BMP2K: variants seen among roughly 807,000 people sequenced by gnomAD.
BMP2K encodes BMP2 inducible kinase.
In BMP2K, 74 loss-of-function variants were observed where a neutral mutation model predicts 116.0. The ratio of observed to expected loss-of-function variants is 0.64; its 90% CI spans 0.53 to 0.77. The LOEUF (loss-of-function observed/expected upper bound fraction) is 0.77, where lower values mean the gene tolerates loss of function less well. BMP2K is among the 30% of genes least tolerant of loss of function. The pLI is 0.00. For missense variants in BMP2K, 1,365 were observed against 1,403.6 expected, an observed-to-expected ratio of 0.97 and a Z score of 0.44; for synonymous variants, 486 against 502.5, an observed-to-expected ratio of 0.97 and a Z score of 0.44.
Position 78,915,247 on chromosome 4 carries a change from T to G in BMP2K, c.*3214T>G, listed in dbSNP as rs1734943909. ...TTAAGAGTGATAGACTGTTGTCCTC[T>G]TGCTGGTGGAAAATCTAAGGTGGAG... On this transcript the variant is annotated 3_prime_UTR_variant, in exon 16 of 16. Transcript: ENST00000502613. The G allele has an allele frequency of 6.6e-6, 1 of 152,016 alleles. No homozygotes were observed. The highest frequency in any genetic ancestry group is 6.6e-5 in the Admixed American group (1 of 15,232). 9.4% of individuals were successfully genotyped at this position (152,016 alleles called of 1,614,324 possible).
chr4:78,797,530 A>G (rs1296446532), intron 1 of BMP2K, among the ~76,000 whole-genome samples: 1 of 152,158 alleles, frequency 6.6e-6, no homozygotes, highest in Non-Finnish European at 1.5e-5. Flanking sequence ...ACTCTAGGTA[A>G]TTCGGTAGTA....
chr4:78,786,463 G>A (rs1002420657), intron 1 of BMP2K, among the ~76,000 whole-genome samples: 5 of 139,054 alleles, frequency 3.6e-5, no homozygotes, highest in African/African-American at 5.5e-5. Flanking sequence ...TTTGAGACAC[G>A]GTCTCTATTG....
Position 78,915,252 on chromosome 4 carries a change from G to A in BMP2K, c.*3219G>A, listed in dbSNP as rs1324129926. The A allele has an allele frequency of 6.6e-6, 1 of 151,992 alleles. No individual in the cohort carries two copies. Among genetic ancestry groups the A allele is most frequent in the Non-Finnish European group, 1.5e-5 (1 of 67,912 alleles). 9.4% of individuals were successfully genotyped at this position (151,992 alleles called of 1,614,324 possible). Reference sequence around the variant, plus strand: ...AGTGATAGACTGTTGTCCTCTTGCTGGTGGAAAATCTAAGGTGGAGCCCAC... The same window carrying A: ...AGTGATAGACTGTTGTCCTCTTGCTAGTGGAAAATCTAAGGTGGAGCCCAC... On this transcript the variant is annotated 3_prime_UTR_variant, in exon 16 of 16. Transcript: ENST00000502613.
intron 1 of BMP2K, among the ~76,000 whole-genome samples, chr4:78,787,300 T>C (rs141679181): frequency 4.0e-4 from 61 of 152,358 alleles, no homozygotes; most frequent in African/African-American, 1.4e-3. Flanking sequence ...ATAATGTAGT[T>C]CTAGCATTAA....
intron 15 of BMP2K, among the ~76,000 whole-genome samples, chr4:78,908,835 A>G (rs1000625713): frequency 6.6e-6 from 1 of 152,144 alleles, no homozygotes; most frequent in Non-Finnish European, 1.5e-5. Flanking sequence ...ACAGGTATAC[A>G]GTGCATAATA....
At chr4:78,908,392 T>G (rs1196113842) in intron 15 of BMP2K, among the ~76,000 whole-genome samples, 6 of 152,224 alleles carry the variant, frequency 3.9e-5, no homozygotes, top group Admixed American at 3.9e-4. Flanking sequence ...TCTGTGACAT[T>G]GCACTCAGCT....
intron 6 of BMP2K, among the ~76,000 whole-genome samples, chr4:78,849,920 C>T (rs1731169344): frequency 6.6e-6 from 1 of 151,536 alleles, no homozygotes; most frequent in South Asian, 2.1e-4. Flanking sequence ...AAAATAAGTG[C>T]ACTTGTTAGC....
chr4:78,853,694 C>G (rs866696571), intron 7 of BMP2K, among the ~76,000 whole-genome samples: 1 of 152,106 alleles, frequency 6.6e-6, no homozygotes, highest in African/African-American at 2.4e-5. Context: ...TGCTCTGTCC[C>G]TGTTTGGTAT....
At chr4:78,845,483 G>T (rs1730954509) in intron 5 of BMP2K, among the ~76,000 whole-genome samples, 1 of 151,612 alleles carries the variant, frequency 6.6e-6, no homozygotes, top group Non-Finnish European at 1.5e-5. Flanking sequence ...TGTAGAAAAT[G>T]AAAGTGTTAA....
intron 1 of BMP2K, among the ~76,000 whole-genome samples, chr4:78,801,344 C>CTG (rs112302359): frequency 0.08 from 11,516 of 143,170 alleles, 473 homozygotes; most frequent in Middle Eastern, 0.13. Context: ...GTTGAAGTAG[C>CTG]TGTGTGTGTG....
chr4:78,784,647 A>G (rs1015466587), intron 1 of BMP2K, among the ~76,000 whole-genome samples: 1 of 152,122 alleles, frequency 6.6e-6, no homozygotes, highest in Non-Finnish European at 1.5e-5. Context: ...GTAGAATTGC[A>G]GTAACATTAG....
At chr4:78,796,449 G>A (rs1473085176) in intron 1 of BMP2K, among the ~76,000 whole-genome samples, 1 of 151,640 alleles carries the variant, frequency 6.6e-6, no homozygotes, top group Non-Finnish European at 1.5e-5. Context: ...TGACGAGTTA[G>A]TGGGTGCAGC....
At chr4:78,846,451 A>G (rs184502235) in intron 5 of BMP2K, among the ~76,000 whole-genome samples, 3 of 151,838 alleles carry the variant, frequency 2.0e-5, no homozygotes, top group Non-Finnish European at 3.0e-5. Context: ...AAATAAAATG[A>G]TGCAATCCAA....
chr4:78,812,733 G>T (rs1729150181), intron 1 of BMP2K, among the ~76,000 whole-genome samples: 1 of 152,174 alleles, frequency 6.6e-6, no homozygotes, highest in Non-Finnish European at 1.5e-5. Flanking sequence ...GCAAAGTGCT[G>T]TTAATCTGGC....
rs146880800 is a variant in BMP2K, at chr4:78,777,925, C to T, written c.178+1204C>T. 2.0e-4 allele frequency among the ~76,000 whole-genome samples: 30 copies of T among 152,214 alleles called. No individual in the cohort carries two copies. The East Asian group carries it at 5.2e-3, about 26-fold the overall frequency. ...CCATTGCTCAGAATAATGATCTTAG[C>T]CGAAACTTGGAGAGGTGGGAGAAGG... On this transcript the variant is annotated intron_variant, in intron 1 of 15. Coordinates refer to ENST00000502613, the MANE Select transcript of BMP2K (RefSeq NM_198892.2).
intron 1 of BMP2K, among the ~76,000 whole-genome samples, chr4:78,778,692 T>C (rs1048310960): frequency 6.6e-6 from 1 of 152,238 alleles, no homozygotes; most frequent in African/African-American, 2.4e-5. Context: ...AGATGCTTAA[T>C]ATCCCCTCTC....
chr4:78,853,681 A>G (rs1731367739), intron 7 of BMP2K, among the ~76,000 whole-genome samples: 1 of 152,180 alleles, frequency 6.6e-6, no homozygotes, highest in Admixed American at 6.6e-5. Flanking sequence ...CTTGGATTGC[A>G]TCTGCTCTGT....
chr4:78,859,478 C>T, intron 7 of BMP2K, 106 bp from the exon 8 acceptor site: 1 of 675,468 alleles, frequency 1.5e-6, no homozygotes, highest in Non-Finnish European at 2.3e-6. Context: ...CATCACTGAT[C>T]TTAGAGTGGA....
chr4:78,863,484 A>G (rs1377206653), intron 9 of BMP2K, among the ~76,000 whole-genome samples: 1 of 152,204 alleles, frequency 6.6e-6, no homozygotes, highest in Middle Eastern at 3.4e-3. Flanking sequence ...AAGATGTGAA[A>G]TTTATCTGAC....
Sources: gnomAD v4.1 joint callset for allele counts (sites outside exome capture counted in the v4.1 genomes callset) on GRCh38, gnomAD v4.1.1 for gene constraint, MANE v1.5 for transcripts, NCBI Gene and HGNC (gene_info 2026-07-23, HGNC 2026-07-21) for gene names.